Variants in PLEKHA7 observed in about 807,000 individuals in gnomAD.
PLEKHA7 encodes pleckstrin homology domain-containing family A member 7.
A neutral mutation model predicts 170.0 loss-of-function variants in PLEKHA7; 104 were observed. The ratio of observed to expected loss-of-function variants is 0.61; its 90% confidence interval spans 0.52 to 0.72. PLEKHA7 has a LOEUF of 0.72. Ranked by LOEUF, PLEKHA7 falls within the 30% of genes least tolerant of loss-of-function variation. The probability of loss-of-function intolerance (pLI) is 0.00; values close to 1 mark genes in which losing one functional copy is unlikely to be tolerated. For missense variants in PLEKHA7, 1,615 were observed against 1,671.7 expected (o/e 0.97, Z 0.59); for synonymous variants, 648 against 660.8 (o/e 0.98, Z 0.30).
At chr11:16,830,360 G>T (rs1259749870) in intron 9 of PLEKHA7, among the ~76,000 whole-genome samples, 3 of 152,086 alleles carry the variant, frequency 2.0e-5, no homozygotes, top group African/African-American at 7.2e-5. Flanking sequence ...GATGATGAAG[G>T]CTCCAGCTGC....
chr11:16,888,904 A>AT (rs1856397539), intron 3 of PLEKHA7, among the ~76,000 whole-genome samples: 1 of 54,604 alleles, frequency 1.8e-5, no homozygotes, highest in Non-Finnish European at 7.3e-5. Flanking sequence ...GAGGGGGAAG[A>AT]TAAAAAAAAA....
intron 3 of PLEKHA7, among the ~76,000 whole-genome samples, chr11:16,992,044 G>C (rs1283244093): frequency 6.6e-6 from 1 of 151,256 alleles, no homozygotes; most frequent in Non-Finnish European, 1.5e-5. Context: ...GTACTGGGTA[G>C]GCCAAAGGAC....
chr11:16,960,481 G>C (rs56918856), intron 3 of PLEKHA7, among the ~76,000 whole-genome samples: 3 of 152,042 alleles, frequency 2.0e-5, no homozygotes, highest in Admixed American at 1.3e-4. Flanking sequence ...CACCTCCACC[G>C]CCATGGGCAG....
At chr11:16,821,176 CA>C (rs1249774519) in intron 10 of PLEKHA7, among the ~76,000 whole-genome samples, 1 of 152,158 alleles carries the variant, frequency 6.6e-6, no homozygotes, top group Non-Finnish European at 1.5e-5. Context: ...TCATTTTTTG[CA>C]ACAAATTATT....
intron 3 of PLEKHA7, among the ~76,000 whole-genome samples, chr11:16,896,738 A>G (rs1028184968): frequency 6.6e-6 from 1 of 152,194 alleles, no homozygotes; most frequent in African/African-American, 2.4e-5. Flanking sequence ...TGGAAAAAGG[A>G]TAAACTTCTT....
chr11:16,889,666 G>T (rs140262365), intron 3 of PLEKHA7, among the ~76,000 whole-genome samples: 42 of 151,978 alleles, frequency 2.8e-4, no homozygotes, highest in Non-Finnish European at 4.6e-4. Flanking sequence ...TATGTGAAAC[G>T]TCCAAACCTA....
At chr11:16,836,796 CT>C (rs376257161) in intron 9 of PLEKHA7, among the ~76,000 whole-genome samples, 77 of 133,986 alleles carry the variant, frequency 5.7e-4, no homozygotes, top group East Asian at 6.4e-4. Context: ...GTTTCCTGGG[CT>C]TTTTTTTTTT....
At chr11:16,905,030 T>A (rs1048547770) in intron 3 of PLEKHA7, among the ~76,000 whole-genome samples, 2 of 152,096 alleles carry the variant, frequency 1.3e-5, no homozygotes, top group Non-Finnish European at 2.9e-5. Context: ...AAGTGGCAGA[T>A]TACTTGAGCT....
intron 3 of PLEKHA7, among the ~76,000 whole-genome samples, chr11:16,941,200 G>A (rs1860673951): frequency 6.6e-6 from 1 of 152,164 alleles, no homozygotes; most frequent in Non-Finnish European, 1.5e-5. Context: ...TTACCCAGAT[G>A]GGTCAAATGT....
intron 3 of PLEKHA7, among the ~76,000 whole-genome samples, chr11:16,989,839 C>G (rs1461669555): frequency 6.6e-6 from 1 of 152,160 alleles, no homozygotes; most frequent in African/African-American, 2.4e-5. Flanking sequence ...GTGTACTACA[C>G]ACAGCTCTAA....
intron 4 of PLEKHA7, among the ~76,000 whole-genome samples, chr11:16,864,552 C>T (rs990797621): frequency 6.6e-6 from 1 of 152,170 alleles, no homozygotes; most frequent in Non-Finnish European, 1.5e-5. Flanking sequence ...ATAACTCCCA[C>T]ATGTCATGGG....
chr11:16,825,033 C>T (rs1850529767), intron 10 of PLEKHA7, among the ~76,000 whole-genome samples: 1 of 152,226 alleles, frequency 6.6e-6, no homozygotes, highest in African/African-American at 2.4e-5. Context: ...GTCTTAGCTA[C>T]AGCACAACAG....
At chr11:16,794,118 C>A (rs141155828) in intron 19 of PLEKHA7, among the ~76,000 whole-genome samples, 81 of 152,156 alleles carry the variant, frequency 5.3e-4, no homozygotes, top group African/African-American at 1.8e-3. Context: ...TGTGTAACTG[C>A]AGGAGAGCCC....
At chr11:16,985,156 C>T (rs1195254560) in intron 3 of PLEKHA7, among the ~76,000 whole-genome samples, 1 of 152,220 alleles carries the variant, frequency 6.6e-6, no homozygotes, top group Non-Finnish European at 1.5e-5. Context: ...CTGCCTCATT[C>T]ATCTAAGAAT....
chr11:16,934,939 C>T (rs1860184775), intron 3 of PLEKHA7, among the ~76,000 whole-genome samples: 1 of 152,000 alleles, frequency 6.6e-6, no homozygotes, highest in Non-Finnish European at 1.5e-5. Flanking sequence ...CTTTTCTGTC[C>T]CTAATTGCCT....
intron 10 of PLEKHA7, among the ~76,000 whole-genome samples, chr11:16,822,501 G>GAA (rs1564962408): frequency 0.014 from 1,797 of 126,060 alleles, 22 homozygotes; most frequent in South Asian, 0.05. Flanking sequence ...TTTTGGTAGG[G>GAA]GAAAAAAAAA....
At chr11:16,909,529 A>T (rs571391127) in intron 3 of PLEKHA7, among the ~76,000 whole-genome samples, 1 of 152,120 alleles carries the variant, frequency 6.6e-6, no homozygotes, top group African/African-American at 2.4e-5. Context: ...TCCCCACCAC[A>T]CTCTCCAAGG....
chr11:16,814,796 A>C lies in PLEKHA7; in HGVS notation c.1953+1382T>G, dbSNP rs1470236605. The stretch of plus-strand genomic sequence containing the variant: ...GGCAGCAGGGCACCATCCAGATAAG[A>C]GAGGGCGCCCTGCATCTCCCTCCAG... On this transcript the variant is annotated intron_variant, in intron 12 of 26. Transcript: ENST00000531066. 3.3e-5 allele frequency among the ~76,000 whole-genome samples: 5 copies of C among 152,218 alleles called. No individual in the cohort carries two copies. In the East Asian group the frequency reaches 9.7e-4, roughly 29 times the overall value.
chr11:16,825,305 C>T (rs1408787912), intron 10 of PLEKHA7, among the ~76,000 whole-genome samples: 2 of 152,252 alleles, frequency 1.3e-5, no homozygotes, highest in Non-Finnish European at 2.9e-5. Context: ...CCTTTCAGAG[C>T]ATGTTATCAG....
Sources: gnomAD v4.1 joint callset for allele counts (sites outside exome capture counted in the v4.1 genomes callset) on GRCh38, gnomAD v4.1.1 for gene constraint, MANE v1.5 for transcripts, NCBI Gene and HGNC (gene_info 2026-07-23, HGNC 2026-07-21) for gene names.